Variants in SACS observed in about 807,000 individuals in gnomAD.
The protein encoded by SACS is sacsin molecular chaperone.
A neutral mutation model predicts 348.0 loss-of-function variants in SACS; 197 were observed. The observed-to-expected ratio is 0.57, with a 90% CI of 0.50 to 0.64. The LOEUF is 0.64. Among genes scored for constraint, SACS ranks in the 30% least tolerant of loss-of-function variants. SACS has a pLI of 0.00. For missense variants in SACS, 4,999 were observed against 5,360.8 expected (o/e 0.93, Z 2.11); for synonymous variants, 1,985 against 1,910.6 (o/e 1.04, Z -1.02).
intron 1 of SACS, among the ~76,000 whole-genome samples, chr13:23,433,138 T>C (rs182267908): frequency 6.6e-6 from 1 of 152,288 alleles, no homozygotes; most frequent in African/African-American, 2.4e-5. Context: ...GTGAGAGCAA[T>C]TCTGCAAATT....
At chr13:23,393,871 C>A (rs1035686072) in intron 2 of SACS, among the ~76,000 whole-genome samples, 1 of 152,330 alleles carries the variant, frequency 6.6e-6, no homozygotes, top group African/African-American at 2.4e-5. Flanking sequence ...CACCATTCTC[C>A]TGCCTCAGCC....
intron 2 of SACS, among the ~76,000 whole-genome samples, chr13:23,397,581 A>G (rs369889991): frequency 9.8e-5 from 15 of 152,326 alleles, no homozygotes; most frequent in African/African-American, 2.9e-4. Flanking sequence ...CAAAGATTTT[A>G]TGTCTTCTCA....
chr13:23,401,906 C>A (rs542047008), intron 2 of SACS, among the ~76,000 whole-genome samples: 3 of 152,172 alleles, frequency 2.0e-5, no homozygotes, highest in African/African-American at 7.2e-5. Flanking sequence ...AGAGGCCAGG[C>A]GCAGTGGCTC....
chr13:23,332,223 A>C lies in SACS; in HGVS notation c.11653T>G (p.Phe3885Val). The change falls in exon 10 of 10, where the codon TTC (phenylalanine) becomes GTC (valine). Residue 3885 changes from phenylalanine to valine, a missense_variant. Transcript: ENST00000382292. The part of the protein sequence containing the change: ...RTVKRVVSGL[F>V]RSLQNDSVKV... Reference sequence around the variant, plus strand: ...ACTGAATCATTCTGTAGACTCCTGAACAGACCAGAAACTACTCTCTTAACT... The same window carrying C: ...ACTGAATCATTCTGTAGACTCCTGACCAGACCAGAAACTACTCTCTTAACT... 6.2e-7 allele frequency: 1 copy of C among 1,614,010 alleles called. No homozygotes were observed. Among genetic ancestry groups the C allele is most frequent in the Non-Finnish European group, 8.5e-7 (1 of 1,179,952 alleles).
intron 2 of SACS, among the ~76,000 whole-genome samples, chr13:23,380,571 A>G (rs1872013877): frequency 6.6e-6 from 1 of 152,196 alleles, no homozygotes; most frequent in Admixed American, 6.5e-5. Flanking sequence ...CTAGTTGAGC[A>G]CTTAGTAGGC....
chr13:23,330,704 T>C lies in SACS; in HGVS notation c.13172A>G (p.Lys4391Arg), dbSNP rs778002465. 7 of 1,614,018 alleles carry C rather than the reference T, an allele frequency of 4.3e-6. No homozygotes were observed. Among genetic ancestry groups the C allele is most frequent in the African/African-American group, 1.3e-5 (1 of 74,932 alleles). ...STSASRFQSD[K>R]YSFQRFYTSW... is the part of the protein sequence containing the mutation. ...AGTATAGAATCTCTGAAATGAGTAT[T>C]TGTCTGACTGAAATCGGGATGCTGA... Residue 4391 changes from lysine (K) to arginine (R), a missense_variant, in exon 10 of 10, where the codon AAA (lysine) becomes AGA (arginine). Coordinates refer to ENST00000382292, the MANE Select transcript of SACS (RefSeq NM_014363.6).
chr13:23,433,194 T>A (rs935320375), intron 1 of SACS, among the ~76,000 whole-genome samples: 10 of 152,232 alleles, frequency 6.6e-5, no homozygotes, highest in Non-Finnish European at 1.3e-4. Flanking sequence ...TCAATAAGAC[T>A]CTGGACCCCA....
chr13:23,379,114 T>C (rs1321619867), intron 2 of SACS, among the ~76,000 whole-genome samples: 2 of 152,134 alleles, frequency 1.3e-5, no homozygotes, highest in Non-Finnish European at 2.9e-5. Flanking sequence ...TCCCTGGTAG[T>C]GAATCGAGGG....
intron 1 of SACS, among the ~76,000 whole-genome samples, chr13:23,418,730 C>A (rs1873787268): frequency 6.6e-6 from 1 of 152,166 alleles, no homozygotes; most frequent in Non-Finnish European, 1.5e-5. Flanking sequence ...GTCTCAAACT[C>A]CTGACCTCAA....
Position 23,391,394 on chromosome 13 carries a change from T to A in SACS, c.21-16125A>T, listed in dbSNP as rs552993107. Among the ~76,000 whole-genome samples the A allele has an allele frequency of 1.2e-4, 18 of 152,318 alleles. No homozygotes were observed. In the South Asian group the frequency reaches 3.7e-3, roughly 32 times the overall value. ...GGTTGGCCTCTTTGGGCAACAGGGC[T>A]GTGGTCACTTTGGTTGCAGGTGGAG... On this transcript the variant is annotated intron_variant, in intron 2 of 9. Transcript: ENST00000382292.
intron 3 of SACS, among the ~76,000 whole-genome samples, chr13:23,374,617 A>C (rs767542932): frequency 2.6e-5 from 4 of 152,234 alleles, no homozygotes; most frequent in Non-Finnish European, 4.4e-5. Flanking sequence ...CTATCAAGTC[A>C]ACCTATCACT....
In SACS at chr13:23,358,445, G is replaced by T; in HGVS notation, c.494C>A (p.Thr165Asn). Residue 165 changes from threonine to asparagine, a missense_variant, in exon 7 of 10, where the codon ACC (threonine) becomes AAC (asparagine). Thr to Asn is a moderately conservative substitution (Grantham distance 65). Coordinates refer to ENST00000382292, the MANE Select transcript of SACS (RefSeq NM_014363.6). ...ALYVYNNAVF[T>N]PEDWHGIQEI... is the part of the protein sequence containing the mutation. ...TTGAATGCCGTGCCAGTCCTCTGGGGTGAAAACCGCGTTGTTGTACACATA... is the reference window on the plus strand; with the variant it reads ...TTGAATGCCGTGCCAGTCCTCTGGGTTGAAAACCGCGTTGTTGTACACATA... The T allele has an allele frequency of 6.2e-7, 1 of 1,614,136 alleles. No individual in the cohort carries two copies. Among genetic ancestry groups the T allele is most frequent in the Non-Finnish European group, 8.5e-7 (1 of 1,180,028 alleles).
intron 1 of SACS, among the ~76,000 whole-genome samples, chr13:23,421,345 G>A (rs1445342068): frequency 6.6e-6 from 1 of 151,940 alleles, no homozygotes; most frequent in African/African-American, 2.4e-5. Context: ...AGGGGTTTAG[G>A]CATTTACTTG....
chr13:23,334,299 A>G lies in SACS; in HGVS notation c.9577T>C (p.Tyr3193His). Residue 3193 changes from tyrosine to histidine, a missense_variant, in exon 10 of 10, where the codon TAT becomes CAT. Coordinates refer to ENST00000382292, the MANE Select transcript of SACS (RefSeq NM_014363.6). ...SRKDLFMNTLYLKYSNILLNC... is the reference protein window; with the variant it reads ...SRKDLFMNTLHLKYSNILLNC... ...AATAAAATATTACTATATTTCAAAT[A>G]TAATGTATTCATAAACAAGTCTTTG... 1.2e-6 allele frequency: 2 copies of G among 1,604,670 alleles called. No individual in the cohort carries two copies. The highest frequency in any genetic ancestry group is 1.7e-6 in the Non-Finnish European group (2 of 1,174,982).
At chr13:23,431,700 T>A (rs537297116) in intron 1 of SACS, among the ~76,000 whole-genome samples, 6 of 152,298 alleles carry the variant, frequency 3.9e-5, no homozygotes, top group Non-Finnish European at 8.8e-5. Flanking sequence ...CCTTCCTTCT[T>A]CCAAAGAATA....
At chr13:23,390,205 GT>G (rs1872476240) in intron 2 of SACS, among the ~76,000 whole-genome samples, 1 of 151,906 alleles carries the variant, frequency 6.6e-6, no homozygotes. Context: ...TCTTACTACT[GT>G]TCTAAATCAC....
intron 1 of SACS, among the ~76,000 whole-genome samples, chr13:23,414,208 GC>G (rs1274933311): frequency 4.6e-5 from 7 of 152,228 alleles, no homozygotes; most frequent in Non-Finnish European, 2.9e-5. Flanking sequence ...GGAGGCTGAG[GC>G]AGGAGAATGG....
At chr13:23,353,603 C>A in intron 9 of SACS, 182 bp downstream of exon 9, 1 of 572,490 alleles carries the variant, frequency 1.7e-6, no homozygotes, top group Non-Finnish European at 3.1e-6. Context: ...CCTCTGGATT[C>A]TTTTAGACAG....
At chr13:23,373,327 G>T (rs1871511066) in intron 3 of SACS, 1 of 152,426 alleles carries the variant, frequency 6.6e-6, no homozygotes, top group East Asian at 1.9e-4. Flanking sequence ...CTATGCTGGG[G>T]TGAGGCCCTC....
Sources: gnomAD v4.1 joint callset for allele counts (sites outside exome capture counted in the v4.1 genomes callset) on GRCh38, gnomAD v4.1.1 for gene constraint, MANE v1.5 for transcripts, NCBI Gene and HGNC (gene_info 2026-07-23, HGNC 2026-07-21) for gene names.